MYO5B: variants seen among roughly 807,000 people sequenced by gnomAD.
MYO5B encodes myosin VB, also known as unconventional myosin-Vb.
In MYO5B, 143 loss-of-function variants were observed where a neutral mutation model predicts 229.3. That is an observed-to-expected ratio of 0.62 (90% CI 0.54 to 0.72). The LOEUF (loss-of-function observed/expected upper bound fraction) is 0.72. Among genes scored for constraint, MYO5B ranks in the 30% least tolerant of loss-of-function variants. The probability of loss-of-function intolerance (pLI) is 0.00; values close to 1 mark genes in which losing one functional copy is unlikely to be tolerated. For missense variants in MYO5B, 2,321 were observed against 2,331.0 expected, an observed-to-expected ratio of 1.00 and a Z score of 0.09; for synonymous variants, 918 against 885.2, an observed-to-expected ratio of 1.04 and a Z score of -0.66.
chr18:49,880,686 A>G (rs1324633030), intron 22 of MYO5B, among the ~76,000 whole-genome samples: 1 of 152,238 alleles, frequency 6.6e-6, no homozygotes, highest in Non-Finnish European at 1.5e-5. Context: ...CCACAAACAC[A>G]TCATGAAAAG....
intron 25 of MYO5B, chr18:49,876,431 T>C (rs1244406451): frequency 1.0e-5 from 2 of 193,984 alleles, no homozygotes; most frequent in Admixed American, 5.3e-5. Context: ...AACACGTCTA[T>C]CTGCCTGTGA....
At chr18:49,873,848 G>T (rs2024485823) in intron 26 of MYO5B, among the ~76,000 whole-genome samples, 1 of 152,166 alleles carries the variant, frequency 6.6e-6, no homozygotes, top group Admixed American at 6.5e-5. Flanking sequence ...ACTGACTGTA[G>T]ACTGTCATAG....
intron 1 of MYO5B, among the ~76,000 whole-genome samples, chr18:50,121,942 TC>T (rs1471751051): frequency 2.0e-4 from 31 of 152,230 alleles, no homozygotes; most frequent in Admixed American, 2.0e-3. Flanking sequence ...GAAGTGGACA[TC>T]ACCCTTTGTT....
chr18:49,937,108 A>T (rs902232500), intron 15 of MYO5B, 137 bp downstream of exon 15: 2 of 1,048,098 alleles, frequency 1.9e-6, no homozygotes, highest in African/African-American at 3.1e-5. Flanking sequence ...AGGACACAAG[A>T]TAGAGCTGGA....
chr18:50,160,320 C>G (rs4939949), intron 1 of MYO5B, among the ~76,000 whole-genome samples: 68,319 of 152,028 alleles, frequency 0.45, 15,471 homozygotes, highest in Admixed American at 0.52. Context: ...TCAGAGGCCA[C>G]AGCTGGAGGA....
intron 2 of MYO5B, among the ~76,000 whole-genome samples, chr18:50,048,590 C>G (rs1284227344): frequency 1.3e-5 from 2 of 152,122 alleles, no homozygotes; most frequent in Non-Finnish European, 2.9e-5. Flanking sequence ...ACCCACTCGA[C>G]AAAAGTAATC....
At chr18:50,041,369 C>G (rs2030010172) in intron 2 of MYO5B, among the ~76,000 whole-genome samples, 1 of 152,028 alleles carries the variant, frequency 6.6e-6, no homozygotes, top group Non-Finnish European at 1.5e-5. Flanking sequence ...ATATAAATAT[C>G]AATGTTCCTC....
At chr18:50,149,754 C>G (rs1438825725) in intron 1 of MYO5B, among the ~76,000 whole-genome samples, 1 of 152,152 alleles carries the variant, frequency 6.6e-6, no homozygotes, top group Admixed American at 6.5e-5. Flanking sequence ...CTAGGCATTA[C>G]CATTCAGGAC....
chr18:49,826,385 T>G lies in MYO5B; in HGVS notation c.*86A>C, dbSNP rs1197566135. 17 of 1,513,736 alleles carry G rather than the reference T, an allele frequency of 1.1e-5. No homozygotes were observed. Among genetic ancestry groups the G allele is most frequent in the Non-Finnish European group, 1.5e-5 (17 of 1,105,150 alleles). The allele number at this position is 1,513,736 out of a possible 1,614,324, so 93.8% of individuals were successfully genotyped here. ...TCTGATTTGATCTACTTTTACCAGA[T>G]TTAACAGATCCTTGAATTTACTTTA... On this transcript the variant is annotated 3_prime_UTR_variant, in exon 40 of 40. Coordinates refer to ENST00000285039, the MANE Select transcript of MYO5B (RefSeq NM_001080467.3).
intron 1 of MYO5B, among the ~76,000 whole-genome samples, chr18:50,177,173 G>A (rs1213039236): frequency 1.3e-5 from 2 of 151,818 alleles, no homozygotes; most frequent in African/African-American, 4.8e-5. Context: ...AAAAGTTGGT[G>A]CCAAGTGAAT....
intron 35 of MYO5B, 123 bp from the exon 36 acceptor site, chr18:49,839,417 T>G: frequency 9.6e-7 from 1 of 1,037,946 alleles, no homozygotes; most frequent in Non-Finnish European, 1.5e-6. Flanking sequence ...GCCCTCCCTA[T>G]GTAGATGATG....
At chr18:50,057,010 A>G (rs2030567081) in intron 1 of MYO5B, among the ~76,000 whole-genome samples, 1 of 152,248 alleles carries the variant, frequency 6.6e-6, no homozygotes, top group African/African-American at 2.4e-5. Flanking sequence ...AGATATTATC[A>G]TATCTTTATA....
intron 10 of MYO5B, among the ~76,000 whole-genome samples, chr18:49,965,501 C>T (rs900258052): frequency 1.4e-5 from 2 of 146,868 alleles, no homozygotes; most frequent in Non-Finnish European, 3.0e-5. Flanking sequence ...TCATTCTATA[C>T]TGCCCAATGC....
rs545937067 is a variant in MYO5B, at chr18:49,916,329, A to G, written c.2091-4156T>C. The stretch of plus-strand genomic sequence containing the variant: ...CCAGTACAGGATGAACCTGGAGAAC[A>G]GGAGGACAGAAGCCTGGCTCTGATG... On this transcript the variant is annotated intron_variant, in intron 17 of 39. Transcript: ENST00000285039. 2.1e-4 allele frequency among the ~76,000 whole-genome samples: 32 copies of G among 152,350 alleles called. 1 individual carries two copies. In the East Asian group the frequency reaches 5.8e-3, roughly 28 times the overall value.
intron 1 of MYO5B, among the ~76,000 whole-genome samples, chr18:50,164,239 G>A (rs1298632644): frequency 5.3e-5 from 8 of 152,314 alleles, no homozygotes; most frequent in African/African-American, 1.9e-4. Flanking sequence ...TGATCTTTAT[G>A]TAGTAGTGAC....
At chr18:49,962,531 C>T (rs564188803) in intron 11 of MYO5B, 125 bp from the exon 12 acceptor site, 12 of 1,347,398 alleles carry the variant, frequency 8.9e-6, no homozygotes, top group Admixed American at 1.8e-5. Context: ...GGTTTGGATG[C>T]TAAGTCATAG....
chr18:50,141,485 T>C (rs1258494285), intron 1 of MYO5B, among the ~76,000 whole-genome samples: 1 of 152,188 alleles, frequency 6.6e-6, no homozygotes, highest in African/African-American at 2.4e-5. Flanking sequence ...AAAGCTGTTT[T>C]CTCCTACCCT....
chr18:49,902,710 C>A lies in MYO5B; in HGVS notation c.2695G>T (p.Ala899Ser), dbSNP rs745571125. The stretch of plus-strand genomic sequence containing the variant: ...CTGAGGGCCTTCAGCTCCCGCCTGG[C>A]CTTGAGCATCCGGAAGGCACACTGG... The part of the protein sequence containing the change: ...VIQCAFRMLK[A>S]RRELKALRIE... Residue 899 changes from alanine (A) to serine (S), a missense_variant, in exon 21 of 40, where the codon GCC becomes TCC. Ala to Ser is a moderately conservative substitution (Grantham distance 99). Transcript: ENST00000285039. 2 of 1,611,598 alleles carry A rather than the reference C, an allele frequency of 1.2e-6. No individual in the cohort carries two copies. Among genetic ancestry groups the A allele is most frequent in the Admixed American group, 3.3e-5 (2 of 60,026 alleles).
chr18:50,031,674 G>A (rs905319342), intron 4 of MYO5B, among the ~76,000 whole-genome samples: 12 of 152,102 alleles, frequency 7.9e-5, no homozygotes, highest in Non-Finnish European at 1.3e-4. Context: ...AAATGTACAG[G>A]AATATGGAGA....
Sources: allele counts gnomAD v4.1 joint callset (sites outside exome capture counted in the v4.1 genomes callset), GRCh38; gene constraint gnomAD v4.1.1; transcripts MANE v1.5; gene names NCBI Gene and HGNC (gene_info 2026-07-23, HGNC 2026-07-21).